Variants in NEK9 observed in about 807,000 individuals in gnomAD.
NEK9 encodes NIMA related kinase 9.
A neutral mutation model predicts 123.4 loss-of-function variants in NEK9; 75 were observed. The observed-to-expected ratio is 0.61, with a 90% CI of 0.50 to 0.74. The LOEUF is 0.74. Among genes scored for constraint, NEK9 ranks in the 30% least tolerant of loss-of-function variants. The probability of loss-of-function intolerance (pLI) is 0.00; values close to 1 mark genes in which losing one functional copy is unlikely to be tolerated. For missense variants in NEK9, 952 were observed against 1,214.4 expected (o/e 0.78, Z 3.21); for synonymous variants, 438 against 458.7 (o/e 0.95, Z 0.58).
intron 4 of NEK9, among the ~76,000 whole-genome samples, chr14:75,119,381 A>G (rs1895248233): frequency 6.6e-6 from 1 of 152,216 alleles, no homozygotes. Context: ...TATCCTAAAC[A>G]TCCCACAGTG....
At chr14:75,113,468 T>G in intron 7 of NEK9, 65 bp from the exon 8 acceptor site, 2 of 1,179,152 alleles carry the variant, frequency 1.7e-6, no homozygotes, top group Non-Finnish European at 2.5e-6. Flanking sequence ...TCTAAAGATG[T>G]TAATTAGTCA....
chr14:75,088,088 T>C (rs1894084602), intron 20 of NEK9, among the ~76,000 whole-genome samples: 1 of 152,244 alleles, frequency 6.6e-6, no homozygotes, highest in African/African-American at 2.4e-5. Flanking sequence ...ACTGAGGTAT[T>C]TACCACAATG....
At chr14:75,103,510 A>T (rs1024669195) in intron 14 of NEK9, among the ~76,000 whole-genome samples, 1 of 152,168 alleles carries the variant, frequency 6.6e-6, no homozygotes, top group Non-Finnish European at 1.5e-5. Context: ...TTCTATATAC[A>T]TATACTGGTA....
chr14:75,084,392 T>C lies in NEK9; in HGVS notation c.*172A>G. On this transcript the variant is annotated 3_prime_UTR_variant, in exon 22 of 22. Coordinates refer to ENST00000238616, the MANE Select transcript of NEK9 (RefSeq NM_033116.6). ...ACAATAAAATCACTCCTAGATCCTA[T>C]CTAAAAGGCAATGCCACTCTCCAAA... is the stretch of plus-strand genomic sequence containing the variant. 1.3e-6 allele frequency: 1 copy of C among 743,168 alleles called. No homozygotes were observed. The highest frequency in any genetic ancestry group is 1.7e-5 in the South Asian group (1 of 58,214). The allele number at this position is 743,168 out of a possible 1,614,324, so 46.0% of individuals were successfully genotyped here.
At position 75,120,996 on chromosome 14, in the gene NEK9, C is replaced by T. The variant is rs1271461225; in HGVS notation, c.453+123G>A. On this transcript the variant is annotated intron_variant, in intron 3 of 21. Coordinates refer to ENST00000238616, the MANE Select transcript of NEK9 (RefSeq NM_033116.6). The stretch of plus-strand genomic sequence containing the variant: ...GTTTCCTTTCTCATGAATATCAGAG[C>T]CTGGAAGGAGTCTGAACAAAAGGAA... 4 of 801,448 alleles carry T rather than the reference C, an allele frequency of 5.0e-6. No individual in the cohort carries two copies. In the East Asian group the frequency reaches 1.0e-4, roughly 21 times the overall value. The allele number at this position is 801,448 out of a possible 1,614,324, so 49.6% of individuals were successfully genotyped here.
In NEK9 at chr14:75,081,306, G is replaced by C. The variant is rs1423598520; in HGVS notation, c.*3258C>G. The C allele has an allele frequency of 1.3e-5, 2 of 152,198 alleles. No individual in the cohort carries two copies. Among genetic ancestry groups the C allele is most frequent in the Non-Finnish European group, 2.9e-5 (2 of 68,052 alleles). The allele number at this position is 152,198 out of a possible 1,614,324, so 9.4% of individuals were successfully genotyped here. On this transcript the variant is annotated 3_prime_UTR_variant, in exon 22 of 22. Transcript: ENST00000238616. The surrounding 1 kb of genome is among the most constrained non-coding windows in gnomAD (Gnocchi z 4.2). ...GCACAGCACCTTCTGGCCAATGTTT[G>C]CTTTCATTATCAATTTATCACTCTC...
rs1594815879 is a variant in NEK9, at chr14:75,081,353, A to G, written c.*3211T>C. ...TCTCCACAGCTACACAGGTGGTAAC[A>G]GAGATGTGACATAGTGGAGTTTTTC... On this transcript the variant is annotated 3_prime_UTR_variant, in exon 22 of 22. Transcript: ENST00000238616. This position sits in a 1 kb window ranked among gnomAD's most constrained non-coding sequence, Gnocchi z 4.2. 1 of 152,236 alleles carries G rather than the reference A, an allele frequency of 6.6e-6. No homozygotes were observed. The highest frequency in any genetic ancestry group is 1.9e-4 in the East Asian group (1 of 5,196). 9.4% of individuals were successfully genotyped at this position (152,236 alleles called of 1,614,324 possible).
intron 18 of NEK9, chr14:75,091,739 T>C (rs531145481): frequency 8.2e-6 from 3 of 363,738 alleles, no homozygotes; most frequent in Admixed American, 4.7e-5. Context: ...CTTGTATCCA[T>C]AGCAGGTTAT....
chr14:75,120,446 G>A, intron 4 of NEK9, 64 bp downstream of exon 4: 3 of 1,059,630 alleles, frequency 2.8e-6, no homozygotes, highest in African/African-American at 1.6e-5. Flanking sequence ...TTGTTGGGGG[G>A]GTATCCACGG....
Position 75,088,529 on chromosome 14 carries a change from T to C in NEK9, c.2555A>G (p.Lys852Arg), listed in dbSNP as rs774172926. The change falls in exon 20 of 22, where the codon AAA (lysine) becomes AGA (arginine). Residue 852 changes from lysine to arginine, a missense_variant. Coordinates refer to ENST00000238616, the MANE Select transcript of NEK9 (RefSeq NM_033116.6). ...TLPYEELQGL[K>R]VASEAPLEHK... Reference sequence around the variant, plus strand: ...TTCCAAAGGAGCTTCAGAGGCCACTTTGAGTCCTTGCAGCTCTTCATAGGG... The same window carrying C: ...TTCCAAAGGAGCTTCAGAGGCCACTCTGAGTCCTTGCAGCTCTTCATAGGG... The C allele has an allele frequency of 2.5e-5, 41 of 1,613,990 alleles. No individual in the cohort carries two copies. The Middle Eastern group carries it at 1.2e-3, about 45-fold the overall frequency.
intron 6 of NEK9, among the ~76,000 whole-genome samples, chr14:75,116,006 G>A (rs1362719577): frequency 6.6e-6 from 1 of 152,086 alleles, no homozygotes; most frequent in Non-Finnish European, 1.5e-5. Flanking sequence ...GTTAGGTATT[G>A]CAGAAAATAA....
intron 11 of NEK9, 139 bp from the exon 12 acceptor site, chr14:75,106,841 A>C: frequency 1.5e-6 from 1 of 650,330 alleles, no homozygotes; most frequent in Non-Finnish European, 2.6e-6. Flanking sequence ...TTAAAAGGAC[A>C]GACTGTGCAA....
rs1026838275 is a variant in NEK9, at chr14:75,082,960, T to C, written c.*1604A>G. On this transcript the variant is annotated 3_prime_UTR_variant, in exon 22 of 22. Transcript: ENST00000238616. ...ACTAATGTACTAGGCTTCCCAGAAC[T>C]GAGAAAACAATGGGAACATCAAACC... 5.0e-6 allele frequency: 2 copies of C among 398,512 alleles called. No individual in the cohort carries two copies. The highest frequency in any genetic ancestry group is 8.8e-6 in the Non-Finnish European group (2 of 226,070). 24.7% of individuals were successfully genotyped at this position (398,512 alleles called of 1,614,324 possible).
chr14:75,126,997 A>C lies in NEK9; in HGVS notation c.-76T>G. ...GGCCGCGCTGCGTCCCGCTCGCTTC[A>C]GATGCCGGCCCGCGGATCCGTCAGC... On this transcript the variant is annotated 5_prime_UTR_variant, in exon 1 of 22. Transcript: ENST00000238616. 2.4e-6 allele frequency: 3 copies of C among 1,239,506 alleles called. No homozygotes were observed. The highest frequency in any genetic ancestry group is 3.2e-6 in the Non-Finnish European group (3 of 933,790). The allele number at this position is 1,239,506 out of a possible 1,614,324, so 76.8% of individuals were successfully genotyped here.
intron 7 of NEK9, among the ~76,000 whole-genome samples, chr14:75,113,866 A>T (rs190740514): frequency 6.2e-4 from 95 of 152,356 alleles, no homozygotes; most frequent in African/African-American, 2.2e-3. Flanking sequence ...TATGAGAAAT[A>T]CAGACATTCT....
In NEK9 at chr14:75,109,852, T is replaced by A; in HGVS notation, c.1015A>T (p.Ile339Phe). ...CTGGTTCGTGATGTTACTACAGCAA[T>A]GGGTGCTTCAGTCACAGTGCTTGAC... ...PRSSTVTEAP[I>F]AVVTSRTSEV... The change falls in exon 10 of 22, where the codon ATT (isoleucine) becomes TTT (phenylalanine). Residue 339 changes from isoleucine to phenylalanine, a missense_variant. Physicochemically the swap from Ile to Phe is conservative, Grantham distance 21 (BLOSUM62 0). This residue lies in a region of NEK9 where 698 missense variants were observed against 875.6 expected (regional missense o/e 0.80). Transcript: ENST00000238616. The A allele has an allele frequency of 6.2e-7, 1 of 1,613,168 alleles. No individual in the cohort carries two copies. Among genetic ancestry groups the A allele is most frequent in the Non-Finnish European group, 8.5e-7 (1 of 1,179,662 alleles).
At chr14:75,104,968 A>C (rs1894721337) in intron 13 of NEK9, among the ~76,000 whole-genome samples, 1 of 152,254 alleles carries the variant, frequency 6.6e-6, no homozygotes, top group Non-Finnish European at 1.5e-5. Context: ...TTGAGATGGA[A>C]GGCTGCTTGA....
At chr14:75,088,402 A>C (rs973255281) in intron 20 of NEK9, 78 bp downstream of exon 20, 33 of 1,457,532 alleles carry the variant, frequency 2.3e-5, no homozygotes, top group East Asian at 1.1e-4. Flanking sequence ...CAAAAGCTAG[A>C]GCGAGGCCAG....
At position 75,126,940 on chromosome 14, in the gene NEK9, TG is replaced by T; in HGVS notation, c.-20del. 1 of 1,448,716 alleles carries T rather than the reference TG, an allele frequency of 6.9e-7. No homozygotes were observed. Among genetic ancestry groups the T allele is most frequent in the Non-Finnish European group, 9.1e-7 (1 of 1,094,128 alleles). The allele number at this position is 1,448,716 out of a possible 1,614,324, so 89.7% of individuals were successfully genotyped here. On this transcript the variant is annotated 5_prime_UTR_variant, in exon 1 of 22. Transcript: ENST00000238616. Reference sequence around the variant, plus strand: ...CCGACATGGCGGCGGCCGCGGGCCTTGGGGACCAGCCTGCGTATGCCCGGAG... The same window carrying T: ...CCGACATGGCGGCGGCCGCGGGCCTTGGGACCAGCCTGCGTATGCCCGGAG...
Sources: gnomAD v4.1 joint callset for allele counts (sites outside exome capture counted in the v4.1 genomes callset) on GRCh38, gnomAD v4.1.1 for gene constraint, gnomAD v4.1.1 regional missense constraint, Gnocchi (gnomAD v3.1) non-coding constraint, MANE v1.5 for transcripts, NCBI Gene and HGNC (gene_info 2026-07-23, HGNC 2026-07-21) for gene names.